GIPC2: variants seen among roughly 807,000 people sequenced by gnomAD.
GIPC2 encodes the protein GIPC PDZ domain containing family member 2.
GIPC2 carries 30 observed loss-of-function variants against 30.6 expected under a neutral mutation model. The observed-to-expected ratio is 0.98, with a 90% confidence interval of 0.73 to 1.33. The LOEUF (loss-of-function observed/expected upper bound fraction) is 1.33. Ranked by LOEUF, GIPC2 falls within the 40% of genes most tolerant of loss-of-function variation. The probability of loss-of-function intolerance (pLI) is 0.00; values close to 1 mark genes in which losing one functional copy is unlikely to be tolerated. For missense variants in GIPC2, 414 were observed against 390.3 expected (o/e 1.06, Z -0.51); for synonymous variants, 167 against 150.0 (o/e 1.11, Z -0.83).
rs1662996382 is a variant in GIPC2 at position 78,136,008 on chromosome 1, G to C, written c.*265G>C. On this transcript the variant is annotated 3_prime_UTR_variant, in exon 6 of 6. Transcript: ENST00000370759. The stretch of plus-strand genomic sequence containing the variant: ...AAGGTTTTTAAAAGTAAGTTTTAAG[G>C]AGTATTTCTCGACAGATGATTTTCT... The C allele has an allele frequency of 3.7e-6, 1 of 270,810 alleles. No homozygotes were observed. Among genetic ancestry groups the C allele is most frequent in the Non-Finnish European group, 6.8e-6 (1 of 147,674 alleles). 16.8% of individuals were successfully genotyped at this position (270,810 alleles called of 1,614,324 possible). A position where few individuals can be genotyped will look rare whatever the true frequency, so the allele number is the denominator to read the frequency against.
At chr1:78,103,060 G>A (rs1159884400) in intron 3 of GIPC2, among the ~76,000 whole-genome samples, 1 of 152,188 alleles carries the variant, frequency 6.6e-6, no homozygotes, top group African/African-American at 2.4e-5. Flanking sequence ...CCTAAAAGGT[G>A]AAGCAGTTTG....
intron 5 of GIPC2, among the ~76,000 whole-genome samples, chr1:78,133,765 TG>T (rs1293699027): frequency 6.7e-6 from 1 of 149,918 alleles, no homozygotes; most frequent in Non-Finnish European, 1.5e-5. Flanking sequence ...TGTGTGTGTG[TG>T]TGTGTGTGTG....
At chr1:78,081,420 T>G (rs1335072279) in intron 2 of GIPC2, among the ~76,000 whole-genome samples, 1 of 152,194 alleles carries the variant, frequency 6.6e-6, no homozygotes, top group African/African-American at 2.4e-5. Flanking sequence ...GTACAACTGC[T>G]TATGTAGCAT....
At chr1:78,069,166 G>A (rs1661572452) in intron 1 of GIPC2, 1 of 807,918 alleles carries the variant, frequency 1.2e-6, no homozygotes, top group South Asian at 5.7e-5. Flanking sequence ...CTCCAAGTCT[G>A]TGACAGAATT....
intron 1 of GIPC2, among the ~76,000 whole-genome samples, chr1:78,075,043 G>A (rs931527703): frequency 2.0e-5 from 3 of 152,286 alleles, no homozygotes; most frequent in South Asian, 2.1e-4. Flanking sequence ...GAAATTTATT[G>A]ACTCACGTAA....
upstream of GIPC2, chr1:78,045,092 CAAGT>C (rs1394571487): frequency 6.1e-6 from 6 of 982,162 alleles, no homozygotes; most frequent in Non-Finnish European, 7.3e-6. Flanking sequence ...CAACGCAGAC[CAAGT>C]AAGATAAAAA....
In GIPC2 at chr1:78,138,240, T is replaced by C. The variant is rs756274605; in HGVS notation, c.*2497T>C. 8 of 152,226 alleles carry C rather than the reference T, an allele frequency of 5.3e-5. No individual in the cohort carries two copies. The highest frequency in any genetic ancestry group is 1.2e-4 in the Non-Finnish European group (8 of 68,034). The allele number at this position is 152,226 out of a possible 1,614,324, so 9.4% of individuals were successfully genotyped here. On this transcript the variant is annotated 3_prime_UTR_variant, in exon 6 of 6. Coordinates refer to ENST00000370759, the MANE Select transcript of GIPC2 (RefSeq NM_017655.6). The stretch of plus-strand genomic sequence containing the variant: ...ATAGGTACATGTTGGGTTTCTGTGA[T>C]GTTTCAAAAATACAATTATATAATT...
chr1:78,062,505 CT>C lies in GIPC2; in HGVS notation c.240+16186del, dbSNP rs373436177. Among the ~76,000 whole-genome samples, 953 of 138,290 alleles carry C rather than the reference CT, an allele frequency of 6.9e-3. 1 individual carries two copies. The highest frequency in any genetic ancestry group is 0.038 in the East Asian group (180 of 4,766). 90.7% of individuals were successfully genotyped at this position (138,290 alleles called of 152,430 possible). On this transcript the variant is annotated intron_variant, in intron 1 of 5. Transcript: ENST00000370759. The stretch of plus-strand genomic sequence containing the variant: ...GGGAATTACTGTGTTTTTTCTTTTT[CT>C]TTTTTTTTTTTTTTAATTTGAGAGG...
At chr1:78,053,382 T>TCCCAAATCACCTAACACAAG (rs1661229285) in intron 1 of GIPC2, among the ~76,000 whole-genome samples, 1 of 152,118 alleles carries the variant, frequency 6.6e-6, no homozygotes, top group Non-Finnish European at 1.5e-5. Flanking sequence ...TTGGACCCTC[T>TCCCAAATCACCTAACACAAG]CCCAAATCAC....
At chr1:78,089,868 T>C (rs1247327725) in intron 2 of GIPC2, among the ~76,000 whole-genome samples, 1 of 152,204 alleles carries the variant, frequency 6.6e-6, no homozygotes, top group African/African-American at 2.4e-5. Flanking sequence ...ATATGGTCTT[T>C]GCTGCAACTA....
intron 2 of GIPC2, among the ~76,000 whole-genome samples, chr1:78,086,320 G>A (rs141491522): frequency 0.018 from 2,690 of 152,222 alleles, 57 homozygotes; most frequent in South Asian, 0.1. Context: ...CATTTGCTGA[G>A]GAGTGTTTTA....
chr1:78,104,226 T>A (rs1307804612), intron 3 of GIPC2, among the ~76,000 whole-genome samples: 29 of 152,100 alleles, frequency 1.9e-4, no homozygotes, highest in Admixed American at 1.8e-3. Flanking sequence ...CAATTAGGCA[T>A]TTCTTACATT....
intron 2 of GIPC2, chr1:78,092,172 T>A: frequency 1.6e-6 from 1 of 641,534 alleles, no homozygotes; most frequent in Non-Finnish European, 2.7e-6. Context: ...CTAGAGCCTT[T>A]AAAAAACCCA....
At chr1:78,072,348 G>A (rs78341252) in intron 1 of GIPC2, among the ~76,000 whole-genome samples, 2,621 of 152,266 alleles carry the variant, frequency 0.017, 91 homozygotes, top group African/African-American at 0.06. Flanking sequence ...AGAGAGATGA[G>A]CAGTTTCCCA....
chr1:78,107,682 G>A (rs1019556209), intron 3 of GIPC2, among the ~76,000 whole-genome samples: 8 of 151,516 alleles, frequency 5.3e-5, no homozygotes, highest in South Asian at 2.1e-4. Flanking sequence ...AAAATTAGCC[G>A]AACATGGTGG....
intron 3 of GIPC2, among the ~76,000 whole-genome samples, chr1:78,105,444 G>A (rs1159225522): frequency 6.6e-6 from 1 of 151,820 alleles, no homozygotes; most frequent in Non-Finnish European, 1.5e-5. Context: ...GCACCACCAC[G>A]TCCAGCTAAT....
intron 3 of GIPC2, among the ~76,000 whole-genome samples, chr1:78,112,731 A>G (rs911551113): frequency 2.0e-5 from 3 of 152,180 alleles, no homozygotes; most frequent in African/African-American, 7.2e-5. Flanking sequence ...GGCTGTTGGG[A>G]GGAAGACAGA....
intron 4 of GIPC2, among the ~76,000 whole-genome samples, chr1:78,122,193 G>A (rs767548615): frequency 6.6e-6 from 1 of 152,084 alleles, no homozygotes; most frequent in African/African-American, 2.4e-5. Flanking sequence ...GTAAAATAGG[G>A]CAATTAAAAA....
At chr1:78,133,749 ATTGTGT>A (rs1662946264) in intron 5 of GIPC2, among the ~76,000 whole-genome samples, 2 of 96,614 alleles carry the variant, frequency 2.1e-5, no homozygotes, top group Non-Finnish European at 3.9e-5. Flanking sequence ...GGAAAAAAAA[ATTGTGT>A]GTGTGTGTGT....
Sources: gnomAD v4.1 joint callset for allele counts (sites outside exome capture counted in the v4.1 genomes callset) on GRCh38, gnomAD v4.1.1 for gene constraint, MANE v1.5 for transcripts, NCBI Gene and HGNC (gene_info 2026-07-23, HGNC 2026-07-21) for gene names.